The following INPP5A variants were observed in gnomAD, a reference collection of about 807,000 sequenced individuals.
INPP5A encodes the protein inositol polyphosphate-5-phosphatase A, also known as 43 kDa inositol polyphosphate 5-phophatase.
A neutral mutation model predicts 65.2 loss-of-function variants in INPP5A; 14 were observed. The ratio of observed to expected loss-of-function variants is 0.21; its 90% CI spans 0.14 to 0.34. The LOEUF is 0.34. Ranked by LOEUF, INPP5A falls within the 10% of genes least tolerant of loss-of-function variation. The pLI is 1.00. For missense variants in INPP5A, 431 were observed against 545.6 expected (o/e 0.79, Z 2.09); for synonymous variants, 207 against 208.3 (o/e 0.99, Z 0.05).
Position 132,782,298 on chromosome 10 carries a change from C to CT in INPP5A, c.*270dup. The CT allele has an allele frequency of 2.7e-6, 1 of 365,676 alleles. No individual in the cohort carries two copies. Among genetic ancestry groups the CT allele is most frequent in the South Asian group, 2.1e-5 (1 of 46,780 alleles). The allele number at this position is 365,676 out of a possible 1,614,324, so 22.7% of individuals were successfully genotyped here. On this transcript the variant is annotated 3_prime_UTR_variant, in exon 16 of 16. Transcript: ENST00000368594. This position sits in a 1 kb window ranked among gnomAD's most constrained non-coding sequence, Gnocchi z 4.4. ...AAGTCACAGTCCTGTTGTCAAAACT[C>CT]TAATAGACAGCAAAGAGGGTCTGTA...
intron 11 of INPP5A, among the ~76,000 whole-genome samples, chr10:132,764,949 C>G (rs1192638972): frequency 1.5e-5 from 2 of 133,712 alleles, no homozygotes; most frequent in African/African-American, 5.9e-5. Context: ...TGGTGACACT[C>G]AGGAACACGG....
Position 132,678,843 on chromosome 10 carries a change from C to T in INPP5A, c.307-11549C>T, listed in dbSNP as rs932069097. Reference sequence around the variant, plus strand: ...CAAGAGGGCTGCTTGGAGGAGGCTGCATTTCCACAGAGACCTGAAGCAGCA... The same window carrying T: ...CAAGAGGGCTGCTTGGAGGAGGCTGTATTTCCACAGAGACCTGAAGCAGCA... On this transcript the variant is annotated intron_variant, in intron 4 of 15. Coordinates refer to ENST00000368594, the MANE Select transcript of INPP5A (RefSeq NM_005539.5). This position sits in a 1 kb window ranked among gnomAD's most constrained non-coding sequence, Gnocchi z 4.1. Among the ~76,000 whole-genome samples, 1 of 152,164 alleles carries T rather than the reference C, an allele frequency of 6.6e-6. No individual in the cohort carries two copies. Among genetic ancestry groups the T allele is most frequent in the African/African-American group, 2.4e-5 (1 of 41,424 alleles).
intron 4 of INPP5A, among the ~76,000 whole-genome samples, chr10:132,658,732 A>G (rs925386058): frequency 2.6e-5 from 4 of 151,816 alleles, no homozygotes; most frequent in Non-Finnish European, 4.4e-5. Flanking sequence ...TCTGGGCTCC[A>G]AGGAGGCTGG....
intron 12 of INPP5A, among the ~76,000 whole-genome samples, chr10:132,774,172 T>G (rs141133764): frequency 2.0e-5 from 3 of 152,316 alleles, no homozygotes; most frequent in Non-Finnish European, 4.4e-5. Flanking sequence ...GGCCTTCTCC[T>G]TTTCAGGAAT....
chr10:132,768,363 G>A (rs1000396113), intron 12 of INPP5A, among the ~76,000 whole-genome samples: 1 of 141,044 alleles, frequency 7.1e-6, no homozygotes, highest in African/African-American at 2.7e-5. Context: ...GACCCTCAGC[G>A]TTCCCAGGTG....
intron 9 of INPP5A, among the ~76,000 whole-genome samples, chr10:132,745,559 C>T (rs574990326): frequency 2.6e-5 from 4 of 152,372 alleles, no homozygotes; most frequent in East Asian, 1.9e-4. Flanking sequence ...AGGCATGTCA[C>T]GGCTGGCACT....
chr10:132,735,028 C>T (rs1346808684), intron 9 of INPP5A, among the ~76,000 whole-genome samples: 1 of 152,168 alleles, frequency 6.6e-6, no homozygotes, highest in Admixed American at 6.5e-5. Flanking sequence ...TTGTCTGCTC[C>T]CCAGCCGTGT....
At chr10:132,781,204 A>G (rs992519975) in intron 14 of INPP5A, among the ~76,000 whole-genome samples, 2 of 152,200 alleles carry the variant, frequency 1.3e-5, no homozygotes, top group Non-Finnish European at 2.9e-5. Flanking sequence ...TAATATTTGT[A>G]AAAAAATGTC....
rs1032844340 is a variant in INPP5A, at chr10:132,663,986, C to G, written c.306+13481C>G. Among the ~76,000 whole-genome samples the G allele has an allele frequency of 1.3e-5, 2 of 152,210 alleles. No homozygotes were observed. The highest frequency in any genetic ancestry group is 3.9e-4 in the East Asian group (2 of 5,188). On this transcript the variant is annotated intron_variant, in intron 4 of 15. Coordinates refer to ENST00000368594, the MANE Select transcript of INPP5A (RefSeq NM_005539.5). The surrounding 1 kb of genome is among the most constrained non-coding windows in gnomAD (Gnocchi z 4.5). ...TCACACGCAGCCCAGGAAACAAACA[C>G]GCCGCGCGAAAGGTATTGGTGAACG...
chr10:132,553,497 C>T (rs1182626246), intron 1 of INPP5A, among the ~76,000 whole-genome samples: 4 of 130,466 alleles, frequency 3.1e-5, no homozygotes, highest in Admixed American at 1.7e-4. Flanking sequence ...GACTGGTGAA[C>T]ACCTTCTCAG....
rs146098137 is a variant in INPP5A at position 132,727,229 on chromosome 10, C to G, written c.732+324C>G. ...CGCCACCCCCTCGATGCCCACAGAG[C>G]TGCAGCCTCTGCAGAGTGTCAGCTC... On this transcript the variant is annotated intron_variant, in intron 9 of 15. Transcript: ENST00000368594. This position sits in a 1 kb window ranked among gnomAD's most constrained non-coding sequence, Gnocchi z 6.5. The G allele has an allele frequency of 4.0e-6, 1 of 247,068 alleles. No individual in the cohort carries two copies. Among genetic ancestry groups the G allele is most frequent in the Non-Finnish European group, 7.8e-6 (1 of 127,810 alleles). The allele number at this position is 247,068 out of a possible 1,614,324, so 15.3% of individuals were successfully genotyped here. A position where few individuals can be genotyped will look rare whatever the true frequency, so the allele number is the denominator to read the frequency against.
At chr10:132,590,703 G>A (rs2071609716) in intron 1 of INPP5A, among the ~76,000 whole-genome samples, 1 of 152,194 alleles carries the variant, frequency 6.6e-6, no homozygotes, top group Non-Finnish European at 1.5e-5. Flanking sequence ...GATGTACACA[G>A]GGGCCACGTG....
rs376703849 is a variant in INPP5A at position 132,723,765 on chromosome 10, C to T, written c.648-3056C>T. Among the ~76,000 whole-genome samples the T allele has an allele frequency of 5.3e-5, 8 of 152,250 alleles. No homozygotes were observed. In the East Asian group the frequency reaches 1.5e-3, roughly 29 times the overall value. On this transcript the variant is annotated intron_variant, in intron 8 of 15. Transcript: ENST00000368594. ...GGCTGGCTGCATCCTGCCCGCTGGC[C>T]GGCGGGCGTTGCCGCCCTCCCTCGG...
At chr10:132,771,657 C>CATGAAGAGTGGGACGGACACTCA (rs1846951254) in intron 12 of INPP5A, among the ~76,000 whole-genome samples, 3 of 145,426 alleles carry the variant, frequency 2.1e-5, no homozygotes, top group African/African-American at 7.5e-5. Flanking sequence ...GCAGCCGCCC[C>CATGAAGAGTGGGACGGACACTCA]GCGAAGAGTG....
chr10:132,681,122 C>T (rs1296934101), intron 4 of INPP5A, among the ~76,000 whole-genome samples: 1 of 152,244 alleles, frequency 6.6e-6, no homozygotes, highest in Non-Finnish European at 1.5e-5. Flanking sequence ...GCTCCTGAGT[C>T]TGGTGGGGAC....
intron 1 of INPP5A, among the ~76,000 whole-genome samples, chr10:132,548,285 G>A (rs1047541830): frequency 6.6e-6 from 1 of 152,124 alleles, no homozygotes; most frequent in African/African-American, 2.4e-5. Context: ...TCCCCGGACC[G>A]TGGTGGTGTT....
chr10:132,612,466 G>A (rs1185828286), intron 2 of INPP5A, among the ~76,000 whole-genome samples: 1 of 151,876 alleles, frequency 6.6e-6, no homozygotes, highest in African/African-American at 2.4e-5. Context: ...TGGGGGTTCG[G>A]GGAGGCTGTG....
chr10:132,569,942 G>A (rs188073877), intron 1 of INPP5A, among the ~76,000 whole-genome samples: 5 of 145,870 alleles, frequency 3.4e-5, no homozygotes, highest in African/African-American at 1.0e-4. Context: ...GTGAGCCACC[G>A]CACTGGGCCC....
At chr10:132,700,420 C>T (rs942080101) in intron 6 of INPP5A, among the ~76,000 whole-genome samples, 17 of 152,240 alleles carry the variant, frequency 1.1e-4, no homozygotes, top group African/African-American at 3.6e-4. Context: ...TCCCGGGACC[C>T]GTGTGTTTGA....
Sources: gnomAD v4.1 joint callset for allele counts (sites outside exome capture counted in the v4.1 genomes callset) on GRCh38, gnomAD v4.1.1 for gene constraint, Gnocchi (gnomAD v3.1) non-coding constraint, MANE v1.5 for transcripts, NCBI Gene and HGNC (gene_info 2026-07-23, HGNC 2026-07-21) for gene names.